BLVRB: variants seen among roughly 807,000 people sequenced by gnomAD.
The protein encoded by BLVRB is flavin reductase (NADPH).
In BLVRB, 25 loss-of-function variants were observed where a neutral mutation model predicts 21.1. That is an observed-to-expected ratio of 1.19 (90% CI 0.86 to 1.66). The LOEUF (loss-of-function observed/expected upper bound fraction) is 1.66, where lower values mean the gene tolerates loss of function less well. Among genes scored for constraint, BLVRB ranks in the 40% most tolerant of loss-of-function variants. The probability of loss-of-function intolerance (pLI) is 0.00; values close to 1 mark genes in which losing one functional copy is unlikely to be tolerated. For synonymous variants in BLVRB, 128 were observed against 122.2 expected (o/e 1.05, Z -0.31); for missense variants, 274 against 282.7 (o/e 0.97, Z 0.22).
intron 3 of BLVRB, among the ~76,000 whole-genome samples, chr19:40,456,142 GCCA>G (rs1387033109): frequency 1.3e-5 from 2 of 152,144 alleles, no homozygotes; most frequent in Non-Finnish European, 2.9e-5. Context: ...GAAGTAAGCA[GCCA>G]TGATGTATGT....
intron 1 of BLVRB, among the ~76,000 whole-genome samples, chr19:40,461,515 T>TC (rs1491375764): frequency 7.6e-6 from 1 of 130,940 alleles, no homozygotes; most frequent in East Asian, 2.0e-4. Flanking sequence ...TTTTTTTTTT[T>TC]CTGAGACGGA....
intron 1 of BLVRB, among the ~76,000 whole-genome samples, chr19:40,463,468 C>G (rs955579054): frequency 6.6e-6 from 1 of 152,140 alleles, no homozygotes; most frequent in Admixed American, 6.5e-5. Flanking sequence ...AGAGTTCATG[C>G]CTGTTAAGAC....
chr19:40,450,068 C>T (rs368344804), intron 4 of BLVRB, among the ~76,000 whole-genome samples: 6 of 151,030 alleles, frequency 4.0e-5, no homozygotes, highest in African/African-American at 1.2e-4. Flanking sequence ...CGTGGTGGCA[C>T]GCGCCTGTAG....
intron 1 of BLVRB, among the ~76,000 whole-genome samples, chr19:40,459,409 C>G (rs1435662152): frequency 6.8e-6 from 1 of 147,462 alleles, no homozygotes; most frequent in Admixed American, 6.8e-5. Context: ...ACTGAAGCCT[C>G]CAAGCACCAC....
intron 3 of BLVRB, among the ~76,000 whole-genome samples, chr19:40,452,557 C>T (rs2079744518): frequency 6.6e-6 from 1 of 151,694 alleles, no homozygotes; most frequent in South Asian, 2.1e-4. Context: ...ACCGGCCAAG[C>T]CTGGCTAATT....
At chr19:40,464,913 G>A (rs546775136) in intron 1 of BLVRB, among the ~76,000 whole-genome samples, 1 of 152,290 alleles carries the variant, frequency 6.6e-6, no homozygotes, top group South Asian at 2.1e-4. Context: ...GGGGCAGGGA[G>A]TGCTGGGGGA....
intron 3 of BLVRB, chr19:40,457,948 T>C: frequency 1.8e-6 from 1 of 561,606 alleles, no homozygotes; most frequent in Non-Finnish European, 3.2e-6. Context: ...TTACCACCTC[T>C]CTCTGTGAGC....
chr19:40,452,744 A>G (rs2079745478), intron 3 of BLVRB, among the ~76,000 whole-genome samples: 1 of 152,088 alleles, frequency 6.6e-6, no homozygotes, highest in Admixed American at 6.6e-5. Flanking sequence ...GCATGCCTGT[A>G]GTCCTAGCTA....
intron 4 of BLVRB, among the ~76,000 whole-genome samples, chr19:40,451,044 C>G (rs1161043868): frequency 6.6e-6 from 1 of 151,996 alleles, no homozygotes; most frequent in Non-Finnish European, 1.5e-5. Flanking sequence ...CCTTCAATCC[C>G]TCACCACTCC....
intron 4 of BLVRB, among the ~76,000 whole-genome samples, chr19:40,448,608 AATATATATATATATATATATATAT>A (rs55783717): frequency 7.9e-6 from 1 of 126,366 alleles, no homozygotes; most frequent in African/African-American, 2.8e-5. Flanking sequence ...AACAACAACA[AATATATATATATATATATATATAT>A]ATATATATAT....
chr19:40,455,573 C>T (rs914857401), intron 3 of BLVRB, among the ~76,000 whole-genome samples: 6 of 152,144 alleles, frequency 3.9e-5, no homozygotes, highest in African/African-American at 1.4e-4. Flanking sequence ...TGGCAGGCAC[C>T]TGTAATCCCA....
intron 1 of BLVRB, among the ~76,000 whole-genome samples, chr19:40,460,364 C>A (rs913736775): frequency 6.7e-6 from 1 of 148,658 alleles, no homozygotes; most frequent in Non-Finnish European, 1.5e-5. Flanking sequence ...TGGGCTGATG[C>A]CTATTATAAT....
chr19:40,458,336 G>T (rs779547545), intron 2 of BLVRB, 45 bp downstream of exon 2: 24 of 1,518,852 alleles, frequency 1.6e-5, no homozygotes, highest in Admixed American at 2.0e-5. Flanking sequence ...GGCGCTGGGG[G>T]CCGAGGTGTA....
At chr19:40,464,794 T>C (rs545785200) in intron 1 of BLVRB, among the ~76,000 whole-genome samples, 1 of 152,260 alleles carries the variant, frequency 6.6e-6, no homozygotes, top group South Asian at 2.1e-4. Flanking sequence ...TCCACCCTTT[T>C]GGGGCACGCA....
chr19:40,460,722 C>G (rs1378411986), intron 1 of BLVRB, among the ~76,000 whole-genome samples: 1 of 152,140 alleles, frequency 6.6e-6, no homozygotes, highest in Non-Finnish European at 1.5e-5. Flanking sequence ...CCTGTAATCC[C>G]AGCACTTTGG....
chr19:40,454,175 G>C (rs752654932), intron 3 of BLVRB, among the ~76,000 whole-genome samples: 2 of 152,076 alleles, frequency 1.3e-5, no homozygotes, highest in Non-Finnish European at 2.9e-5. Context: ...AGTTGGAGGC[G>C]GTAGCGAGCT....
chr19:40,451,416 C>A lies in BLVRB; in HGVS notation c.411G>T (p.Lys137Asn), dbSNP rs1228535167. The change falls in exon 4 of 5, where the codon AAG (lysine) becomes AAT (asparagine). Residue 137 changes from lysine (K) to asparagine (N), a missense_variant. By Grantham distance (94) the Lys-to-Asn change is moderately conservative. Coordinates refer to ENST00000263368, the MANE Select transcript of BLVRB (RefSeq NM_000713.3). ...ACTTCAGGCCTGATTCCCGCAGCACCTTGTGCATCCGGATGTGGTCATCAG... is the reference window on the plus strand; with the variant it reads ...ACTTCAGGCCTGATTCCCGCAGCACATTGTGCATCCGGATGTGGTCATCAG... ...AVTDDHIRMHKVLRESGLKYV... is the reference protein window; with the variant it reads ...AVTDDHIRMHNVLRESGLKYV... The A allele has an allele frequency of 6.2e-7, 1 of 1,612,668 alleles. No homozygotes were observed. The highest frequency in any genetic ancestry group is 8.5e-7 in the Non-Finnish European group (1 of 1,179,590).
intron 3 of BLVRB, among the ~76,000 whole-genome samples, chr19:40,457,301 C>T (rs1427180831): frequency 6.6e-6 from 1 of 152,188 alleles, no homozygotes; most frequent in East Asian, 1.9e-4. Flanking sequence ...CTCCAGGCCT[C>T]TTTGCTTGCT....
In BLVRB at chr19:40,456,724, C is replaced by T. The variant is rs1334623533; in HGVS notation, c.334+1431G>A. Among the ~76,000 whole-genome samples the T allele has an allele frequency of 2.6e-5, 4 of 151,880 alleles. No individual in the cohort carries two copies. In the South Asian group the frequency reaches 6.2e-4, roughly 24 times the overall value. ...CAACATGGCAAAACCTTGTCTCTAC[C>T]AAAAATACAAAAATTAGCAGGGCAT... On this transcript the variant is annotated intron_variant, in intron 3 of 4. Coordinates refer to ENST00000263368, the MANE Select transcript of BLVRB (RefSeq NM_000713.3).
Sources: allele counts gnomAD v4.1 joint callset (sites outside exome capture counted in the v4.1 genomes callset), GRCh38; gene constraint gnomAD v4.1.1; transcripts MANE v1.5; gene names NCBI Gene and HGNC (gene_info 2026-07-23, HGNC 2026-07-21).